Variants in RUNX2 observed in about 807,000 individuals in gnomAD.
RUNX2 encodes the protein runt-related transcription factor 2.
RUNX2 carries 10 observed loss-of-function variants against 51.7 expected under a neutral mutation model. The observed-to-expected ratio is 0.19, with a 90% CI of 0.12 to 0.33. The LOEUF (loss-of-function observed/expected upper bound fraction) is 0.33, where lower values mean the gene tolerates loss of function less well. Ranked by LOEUF, RUNX2 falls within the 10% of genes least tolerant of loss-of-function variation. RUNX2 has a pLI of 1.00. For missense variants in RUNX2, 562 were observed against 691.3 expected, an observed-to-expected ratio of 0.81 and a Z score of 2.10; for synonymous variants, 276 against 273.6, an observed-to-expected ratio of 1.01 and a Z score of -0.09.
At chr6:45,533,323 A>G (rs776051388) in intron 7 of RUNX2, among the ~76,000 whole-genome samples, 1 of 152,162 alleles carries the variant, frequency 6.6e-6, no homozygotes, top group Non-Finnish European at 1.5e-5. Flanking sequence ...GTAGGGTTTG[A>G]TTTCTTTCAG....
chr6:45,488,750 A>G (rs886591159), intron 5 of RUNX2, among the ~76,000 whole-genome samples: 16 of 152,176 alleles, frequency 1.1e-4, no homozygotes, highest in African/African-American at 3.9e-4. Context: ...AGGACTGAGC[A>G]TTTTTACATA....
intron 2 of RUNX2, among the ~76,000 whole-genome samples, chr6:45,376,166 G>C (rs1393365443): frequency 6.6e-6 from 1 of 152,128 alleles, no homozygotes; most frequent in African/African-American, 2.4e-5. Flanking sequence ...TACAACCTAG[G>C]AGACAACGTT....
At chr6:45,487,225 A>G (rs1367528867) in intron 5 of RUNX2, among the ~76,000 whole-genome samples, 1 of 152,164 alleles carries the variant, frequency 6.6e-6, no homozygotes, top group African/African-American at 2.4e-5. Context: ...CTGCTGAACT[A>G]TTATGAGCTG....
intron 2 of RUNX2, among the ~76,000 whole-genome samples, chr6:45,399,819 T>TAAGG (rs201636835): frequency 3.7e-3 from 264 of 71,938 alleles, no homozygotes; most frequent in African/African-American, 9.3e-3. Context: ...GGGAGGGAAG[T>TAAGG]AAGGAAGGAA....
At chr6:45,355,647 TAAGTG>T (rs1793024965) in intron 2 of RUNX2, among the ~76,000 whole-genome samples, 1 of 152,154 alleles carries the variant, frequency 6.6e-6, no homozygotes, top group South Asian at 2.1e-4. Flanking sequence ...AAATTCCAGA[TAAGTG>T]AAGTTTTATT....
At chr6:45,497,994 C>T (rs766154796) in intron 6 of RUNX2, among the ~76,000 whole-genome samples, 2 of 152,126 alleles carry the variant, frequency 1.3e-5, no homozygotes, top group Non-Finnish European at 2.9e-5. Flanking sequence ...ATACGTTCCT[C>T]ACAATAGCTC....
At chr6:45,419,539 G>A (rs1484646916) in intron 2 of RUNX2, among the ~76,000 whole-genome samples, 1 of 152,220 alleles carries the variant, frequency 6.6e-6, no homozygotes, top group African/African-American at 2.4e-5. Context: ...ATGAGTGGAC[G>A]TGTAAGGTAG....
At chr6:45,434,086 A>C (rs1443640688) in intron 4 of RUNX2, among the ~76,000 whole-genome samples, 1 of 152,152 alleles carries the variant, frequency 6.6e-6, no homozygotes, top group African/African-American at 2.4e-5. Flanking sequence ...TTGATTTATC[A>C]CTAATAATAT....
At chr6:45,332,218 A>G (rs111475192) in intron 2 of RUNX2, among the ~76,000 whole-genome samples, 34 of 151,878 alleles carry the variant, frequency 2.2e-4, no homozygotes, top group African/African-American at 8.0e-4. Context: ...TTTTCAACAA[A>G]TATTCATCTA....
intron 2 of RUNX2, among the ~76,000 whole-genome samples, chr6:45,367,710 A>T (rs1362530501): frequency 6.6e-6 from 1 of 152,204 alleles, no homozygotes; most frequent in Non-Finnish European, 1.5e-5. Flanking sequence ...TTTGACAGAC[A>T]TGCCATTCCA....
At chr6:45,491,128 G>C (rs1474980001) in intron 5 of RUNX2, among the ~76,000 whole-genome samples, 1 of 152,066 alleles carries the variant, frequency 6.6e-6, no homozygotes, top group East Asian at 1.9e-4. Flanking sequence ...TTTTAGACTT[G>C]AATAAACTAG....
chr6:45,517,243 G>A (rs138921921), intron 7 of RUNX2, among the ~76,000 whole-genome samples: 52 of 152,106 alleles, frequency 3.4e-4, no homozygotes, highest in African/African-American at 1.1e-3. Flanking sequence ...ATGCAGAGGC[G>A]TGATCATAGC....
chr6:45,533,676 A>G (rs576715335), intron 7 of RUNX2, among the ~76,000 whole-genome samples: 2 of 152,282 alleles, frequency 1.3e-5, no homozygotes, highest in South Asian at 2.1e-4. Flanking sequence ...ACTCTTGTAC[A>G]TGGTTTTAGG....
chr6:45,420,627 A>T (rs1798159095), intron 2 of RUNX2, among the ~76,000 whole-genome samples: 1 of 152,198 alleles, frequency 6.6e-6, no homozygotes, highest in Admixed American at 6.5e-5. Context: ...TTGGCAACTG[A>T]TGATTTTTTT....
At chr6:45,344,490 G>C (rs1334350599) in intron 2 of RUNX2, among the ~76,000 whole-genome samples, 1 of 151,630 alleles carries the variant, frequency 6.6e-6, no homozygotes, top group Non-Finnish European at 1.5e-5. Flanking sequence ...TAAATATCCA[G>C]TGGAGAGCCC....
intron 7 of RUNX2, 93 bp downstream of exon 7, chr6:45,512,500 C>G: frequency 7.3e-7 from 1 of 1,378,468 alleles, no homozygotes; most frequent in Non-Finnish European, 1.0e-6. Flanking sequence ...CTCACAGTGA[C>G]TCTCTATTAG....
At chr6:45,516,652 T>C (rs1015276616) in intron 7 of RUNX2, among the ~76,000 whole-genome samples, 8 of 152,252 alleles carry the variant, frequency 5.3e-5, no homozygotes, top group African/African-American at 1.9e-4. Context: ...TTCTCATTGA[T>C]TCTAGTCAAG....
rs34672680 is a variant in RUNX2 at position 45,414,754 on chromosome 6, C to CTT, written c.59-7810_59-7809dup. ...ATCTCTCCACCTTCCCAGATCCTGG[C>CTT]TTTTTTTTTTTTTTTTTTTTTTTTT... On this transcript the variant is annotated intron_variant, in intron 2 of 8. Coordinates refer to ENST00000647337, the MANE Select transcript of RUNX2 (RefSeq NM_001024630.4). Among the ~76,000 whole-genome samples the CTT allele has an allele frequency of 1.4e-3, 47 of 33,448 alleles. 6 individuals carry two copies. The highest frequency in any genetic ancestry group is 4.0e-3 in the African/African-American group (37 of 9,238). The allele number at this position is 33,448 out of a possible 152,430, so 21.9% of individuals were successfully genotyped here.
At chr6:45,503,952 C>T (rs1800876450) in intron 6 of RUNX2, among the ~76,000 whole-genome samples, 1 of 152,152 alleles carries the variant, frequency 6.6e-6, no homozygotes, top group Non-Finnish European at 1.5e-5. Flanking sequence ...TCTCTTCTCC[C>T]ATTGTTTGTG....
Sources: gnomAD v4.1 joint callset for allele counts (sites outside exome capture counted in the v4.1 genomes callset) on GRCh38, gnomAD v4.1.1 for gene constraint, MANE v1.5 for transcripts, NCBI Gene and HGNC (gene_info 2026-07-23, HGNC 2026-07-21) for gene names.